The following DACH2 variants were observed in gnomAD, a reference collection of about 807,000 sequenced individuals.
The protein encoded by DACH2 is dachshund family transcription factor 2, also known as dachshund homolog 2.
In DACH2, 17 loss-of-function variants were observed where a neutral mutation model predicts 35.8. That is an observed-to-expected ratio of 0.48 (90% confidence interval 0.33 to 0.71). The LOEUF (loss-of-function observed/expected upper bound fraction) is 0.71. DACH2 is among the 30% of genes least tolerant of loss of function. The probability of loss-of-function intolerance (pLI) is 0.02; values close to 1 mark genes in which losing one functional copy is unlikely to be tolerated. For synonymous variants in DACH2, 195 were observed against 177.3 expected (o/e 1.10, Z -0.79); for missense variants, 469 against 472.7 (o/e 0.99, Z 0.07).
At chrX:86,677,229 A>G (rs2040834218) in intron 4 of DACH2, among the ~76,000 whole-genome samples, 1 of 112,117 alleles carries the variant, frequency 8.9e-6, no homozygotes. Context: ...GAAAATAACA[A>G]GCTTAATATA....
rs181078073 is a variant in DACH2 at position 86,620,603 on chromosome X, C to T, written c.641-30433C>T. ...GTCTCAAACATATTTTAATCTGAGC[C>T]TTCTATCCTTAGGACATATAAATTT... On this transcript the variant is annotated intron_variant, in intron 3 of 11. Coordinates refer to ENST00000373125, the MANE Select transcript of DACH2 (RefSeq NM_053281.3). Among the ~76,000 whole-genome samples, 313 of 110,963 alleles carry T rather than the reference C, an allele frequency of 2.8e-3. 2 individuals are homozygous for T. Among genetic ancestry groups the T allele is most frequent in the South Asian group, 0.013 (35 of 2,638 alleles).
At chrX:86,613,394 C>T (rs1219156466) in intron 3 of DACH2, among the ~76,000 whole-genome samples, 1 of 110,858 alleles carries the variant, frequency 9.0e-6, no homozygotes, top group Non-Finnish European at 1.9e-5. Context: ...GACTAGTGCT[C>T]CTGGCACCTT....
chrX:86,814,541 T>G, intron 9 of DACH2, 147 bp from the exon 10 acceptor site: 2 of 570,093 alleles, frequency 3.5e-6, no homozygotes. Context: ...TAATGAGCAT[T>G]AGTACCAAAA....
chrX:86,719,249 C>T (rs2041372945), intron 6 of DACH2, among the ~76,000 whole-genome samples: 2 of 111,585 alleles, frequency 1.8e-5, no homozygotes, highest in African/African-American at 6.5e-5. Flanking sequence ...GGATTGTTGT[C>T]TTTATTTGTT....
intron 11 of DACH2, among the ~76,000 whole-genome samples, chrX:86,824,850 C>T (rs1226244842): frequency 8.9e-6 from 1 of 111,993 alleles, no homozygotes; most frequent in Non-Finnish European, 1.9e-5. Context: ...TTCCTGGTAA[C>T]TGCATTTCAA....
In DACH2 at chrX:86,766,991, A is replaced by G. The variant is rs141704708; in HGVS notation, c.1240+27109A>G. Among the ~76,000 whole-genome samples, 1,049 of 111,718 alleles carry G rather than the reference A, an allele frequency of 9.4e-3. 9 individuals are homozygous for G. The highest frequency in any genetic ancestry group is 0.032 in the African/African-American group (981 of 30,787). ...TTGATATATTCTAGTGATACATTTA[A>G]ATTTTCTTTTGCCCCGTTTTGTAAA... On this transcript the variant is annotated intron_variant, in intron 7 of 11. Coordinates refer to ENST00000373125, the MANE Select transcript of DACH2 (RefSeq NM_053281.3).
intron 1 of DACH2, among the ~76,000 whole-genome samples, chrX:86,217,612 T>A (rs1359679646): frequency 9.0e-6 from 1 of 111,675 alleles, no homozygotes; most frequent in South Asian, 3.7e-4. Context: ...ACAGTGTTAG[T>A]TAAGTCAATA....
At chrX:86,736,413 A>G (rs1420342917) in intron 6 of DACH2, among the ~76,000 whole-genome samples, 1 of 111,506 alleles carries the variant, frequency 9.0e-6, no homozygotes, top group Non-Finnish European at 1.9e-5. Context: ...TTTACATAAT[A>G]TGCTGCTGAA....
chrX:86,660,131 C>T (rs767841604), intron 4 of DACH2, among the ~76,000 whole-genome samples: 57 of 111,347 alleles, frequency 5.1e-4, no homozygotes, highest in Non-Finnish European at 9.1e-4. Context: ...GGTGATCACT[C>T]TTCGTGCCCC....
At chrX:86,231,727 C>T (rs2032952537) in intron 1 of DACH2, among the ~76,000 whole-genome samples, 1 of 112,294 alleles carries the variant, frequency 8.9e-6, no homozygotes, top group African/African-American at 3.2e-5. Context: ...AAGCTGGATT[C>T]ACACCCTCCC....
chrX:86,254,777 A>ATATATATATAT (rs1556004208), intron 1 of DACH2, among the ~76,000 whole-genome samples: 2 of 14,228 alleles, frequency 1.4e-4, no homozygotes, highest in Non-Finnish European at 2.7e-4. Flanking sequence ...TATTCAAATA[A>ATATATATATAT]ATAAATATAT....
chrX:86,793,979 A>C (rs1470190995), intron 7 of DACH2, among the ~76,000 whole-genome samples: 1 of 112,185 alleles, frequency 8.9e-6, no homozygotes, highest in Non-Finnish European at 1.9e-5. Context: ...AAATCAAAGA[A>C]ATTTAAAGAA....
intron 6 of DACH2, among the ~76,000 whole-genome samples, chrX:86,735,987 G>A (rs2041590808): frequency 9.0e-6 from 1 of 111,354 alleles, no homozygotes; most frequent in Non-Finnish European, 1.9e-5. Flanking sequence ...ACTAGGCTGA[G>A]ACACAACAGT....
At chrX:86,249,598 C>T (rs111900475) in intron 1 of DACH2, among the ~76,000 whole-genome samples, 2,255 of 111,156 alleles carry the variant, frequency 0.02, 61 homozygotes, top group African/African-American at 0.068. Context: ...TATACACTGC[C>T]GGTATGAATA....
intron 4 of DACH2, among the ~76,000 whole-genome samples, chrX:86,661,113 G>C (rs2040600524): frequency 2.7e-5 from 3 of 111,734 alleles, no homozygotes; most frequent in African/African-American, 9.7e-5. Context: ...TGGACGTTCT[G>C]TAGTGTCCAA....
intron 1 of DACH2, among the ~76,000 whole-genome samples, chrX:86,339,253 T>C (rs947809392): frequency 2.7e-5 from 3 of 111,874 alleles, no homozygotes; most frequent in African/African-American, 9.7e-5. Flanking sequence ...TAAAGAGAAA[T>C]GACAATACCT....
At chrX:86,776,654 T>C (rs2042035460) in intron 7 of DACH2, among the ~76,000 whole-genome samples, 1 of 111,135 alleles carries the variant, frequency 9.0e-6, no homozygotes, top group Admixed American at 9.6e-5. Flanking sequence ...TTGTTACATA[T>C]GTATACATGT....
At chrX:86,562,594 C>A (rs1316275515) in intron 3 of DACH2, among the ~76,000 whole-genome samples, 1 of 111,619 alleles carries the variant, frequency 9.0e-6, no homozygotes, top group Non-Finnish European at 1.9e-5. Context: ...ATAATACATA[C>A]ATAAATTCAC....
chrX:86,535,280 G>C (rs1486633156), intron 3 of DACH2, among the ~76,000 whole-genome samples: 1 of 111,492 alleles, frequency 9.0e-6, no homozygotes, highest in Non-Finnish European at 1.9e-5. Flanking sequence ...TCAAAGAACT[G>C]GTCCTCCAGA....
Sources: gnomAD v4.1 joint callset for allele counts (sites outside exome capture counted in the v4.1 genomes callset) on GRCh38, gnomAD v4.1.1 for gene constraint, MANE v1.5 for transcripts, NCBI Gene and HGNC (gene_info 2026-07-23, HGNC 2026-07-21) for gene names.